The following PCP4L1 variants were observed in gnomAD, a reference collection of about 807,000 sequenced individuals.
PCP4L1 encodes Purkinje cell protein 4 like 1, also known as Purkinje cell protein 4-like protein 1.
A neutral mutation model predicts 9.6 loss-of-function variants in PCP4L1; 9 were observed. That is an observed-to-expected ratio of 0.94 (90% confidence interval 0.57 to 1.64). PCP4L1 has a LOEUF of 1.64. PCP4L1 is among the 40% of genes most tolerant of loss of function. The probability of loss-of-function intolerance (pLI) is 0.00; values close to 1 mark genes in which losing one functional copy is unlikely to be tolerated. For missense variants in PCP4L1, 81 were observed against 80.8 expected, an observed-to-expected ratio of 1.00 and a Z score of -0.01; for synonymous variants, 31 against 28.2, an observed-to-expected ratio of 1.10 and a Z score of -0.31.
intron 1 of PCP4L1, among the ~76,000 whole-genome samples, chr1:161,277,363 C>T (rs1388917258): frequency 1.3e-5 from 2 of 152,102 alleles, no homozygotes; most frequent in African/African-American, 4.8e-5. Flanking sequence ...AGTATGGAGT[C>T]GGTCTACCTG....
intron 1 of PCP4L1, among the ~76,000 whole-genome samples, chr1:161,281,359 C>T (rs899648630): frequency 2.0e-5 from 3 of 152,214 alleles, no homozygotes; most frequent in African/African-American, 7.2e-5. Flanking sequence ...CTGTTGGGTA[C>T]ACCTCCCAGA....
At chr1:161,282,402 G>A (rs1669838049) in intron 1 of PCP4L1, among the ~76,000 whole-genome samples, 2 of 148,262 alleles carry the variant, frequency 1.3e-5, no homozygotes, top group South Asian at 4.3e-4. Context: ...GGAGACCGTG[G>A]GGAGAGGGAG....
intron 1 of PCP4L1, among the ~76,000 whole-genome samples, chr1:161,265,843 T>C (rs1571792008): frequency 6.7e-6 from 1 of 148,606 alleles, no homozygotes; most frequent in East Asian, 2.0e-4. Flanking sequence ...GTTCAAGCAA[T>C]TCTCCTGCCT....
intron 1 of PCP4L1, among the ~76,000 whole-genome samples, chr1:161,283,304 A>G (rs1291707755): frequency 6.6e-6 from 1 of 152,184 alleles, no homozygotes; most frequent in Non-Finnish European, 1.5e-5. Flanking sequence ...GTAAAACTGT[A>G]TTCCTCCATT....
At chr1:161,270,151 G>T (rs1403557032) in intron 1 of PCP4L1, among the ~76,000 whole-genome samples, 1 of 151,942 alleles carries the variant, frequency 6.6e-6, no homozygotes, top group African/African-American at 2.4e-5. Flanking sequence ...ACAAAAATTA[G>T]CTGGGCATGG....
At chr1:161,265,693 G>A (rs886787376) in intron 1 of PCP4L1, among the ~76,000 whole-genome samples, 2 of 144,592 alleles carry the variant, frequency 1.4e-5, no homozygotes, top group African/African-American at 5.1e-5. Flanking sequence ...AATTATTTTA[G>A]TTACAAAAGT....
intron 1 of PCP4L1, among the ~76,000 whole-genome samples, chr1:161,279,321 A>C (rs1350341097): frequency 1.3e-5 from 2 of 152,218 alleles, no homozygotes. Flanking sequence ...GAATAAGTGC[A>C]GGGACTTTCT....
At position 161,280,848 on chromosome 1, in the gene PCP4L1, T is replaced by G. The variant is rs139328102; in HGVS notation, c.10-2820T>G. Among the ~76,000 whole-genome samples, 430 of 152,276 alleles carry G rather than the reference T, an allele frequency of 2.8e-3. 3 individuals carry two copies. Among genetic ancestry groups the G allele is most frequent in the African/African-American group, 0.01 (420 of 41,552 alleles). On this transcript the variant is annotated intron_variant, in intron 1 of 2. Transcript: ENST00000504449. ...TACAATTCTTTTTTTTTAATGTTATTTATTTTATTTTTATTGATCATTCTT... is the reference window on the plus strand; with the variant it reads ...TACAATTCTTTTTTTTTAATGTTATGTATTTTATTTTTATTGATCATTCTT...
At chr1:161,278,140 C>T (rs1433804916) in intron 1 of PCP4L1, among the ~76,000 whole-genome samples, 4 of 152,130 alleles carry the variant, frequency 2.6e-5, no homozygotes, top group Non-Finnish European at 4.4e-5. Flanking sequence ...TTACCAAGCC[C>T]TCCCATAACC....
intron 1 of PCP4L1, among the ~76,000 whole-genome samples, chr1:161,275,737 C>G (rs996567982): frequency 6.6e-5 from 10 of 151,842 alleles, no homozygotes; most frequent in Non-Finnish European, 1.3e-4. Context: ...AACCTATGAT[C>G]CTCTTGTCTG....
At position 161,283,701 on chromosome 1, in the gene PCP4L1, G is replaced by C. The variant is rs765798750; in HGVS notation, c.43G>C (p.Ala15Pro). 3.7e-6 allele frequency: 6 copies of C among 1,606,164 alleles called. No individual in the cohort carries two copies. The highest frequency in any genetic ancestry group is 5.1e-6 in the Non-Finnish European group (6 of 1,176,058). Residue 15 changes from alanine to proline, a missense_variant, in exon 2 of 3, where the codon GCA (alanine) becomes CCA (proline). Transcript: ENST00000504449. ...NTKTSPATNQAAGQEEKGKAG... is the reference protein window; with the variant it reads ...NTKTSPATNQPAGQEEKGKAG... ...CAAAACATCCCCAGCAACCAACCAG[G>C]CAGCTGGCCAAGAGGAAAAAGGTGA...
At chr1:161,259,055 G>A in intron 1 of PCP4L1, 72 bp downstream of exon 1, 1 of 1,511,724 alleles carries the variant, frequency 6.6e-7, no homozygotes, top group South Asian at 1.2e-5. Flanking sequence ...GGATCCCAGG[G>A]AGGCGAGGGA....
chr1:161,264,562 T>C (rs1196653354), intron 1 of PCP4L1, among the ~76,000 whole-genome samples: 1 of 151,684 alleles, frequency 6.6e-6, no homozygotes, highest in Non-Finnish European at 1.5e-5. Context: ...AGTGTGGTGG[T>C]TCACGCCTGT....
chr1:161,264,072 G>A (rs1022501258), intron 1 of PCP4L1, among the ~76,000 whole-genome samples: 3 of 151,416 alleles, frequency 2.0e-5, no homozygotes, highest in Admixed American at 6.6e-5. Context: ...ACCAGGCCCG[G>A]GTAATTTTTG....
chr1:161,266,821 G>A (rs187400933), intron 1 of PCP4L1, among the ~76,000 whole-genome samples: 25 of 152,314 alleles, frequency 1.6e-4, no homozygotes, highest in African/African-American at 4.8e-4. Flanking sequence ...GACTGCAGCT[G>A]GTTGCTGCAC....
intron 1 of PCP4L1, among the ~76,000 whole-genome samples, chr1:161,283,367 T>G (rs953776981): frequency 6.6e-6 from 1 of 152,220 alleles, no homozygotes; most frequent in African/African-American, 2.4e-5. Context: ...ATAGCACTTA[T>G]CATCATAGTA....
chr1:161,280,127 A>G (rs922722544), intron 1 of PCP4L1, among the ~76,000 whole-genome samples: 8 of 152,138 alleles, frequency 5.3e-5, no homozygotes, highest in African/African-American at 1.9e-4. Flanking sequence ...TGCCTAGGTG[A>G]GTATTTCTCC....
rs1308161663 is a variant in PCP4L1 at position 161,283,707 on chromosome 1, G to A, written c.49G>A (p.Gly17Ser). Residue 17 changes from glycine (G) to serine (S), a missense_variant, in exon 2 of 3, where the codon GGC (glycine) becomes AGC (serine). Coordinates refer to ENST00000504449, the MANE Select transcript of PCP4L1 (RefSeq NM_001102566.2). Reference sequence around the variant, plus strand: ...ATCCCCAGCAACCAACCAGGCAGCTGGCCAAGAGGAAAAAGGTGAGTGGGG... The same window carrying A: ...ATCCCCAGCAACCAACCAGGCAGCTAGCCAAGAGGAAAAAGGTGAGTGGGG... ...KTSPATNQAAGQEEKGKAGNV... is the reference protein window; with the variant it reads ...KTSPATNQAASQEEKGKAGNV... 1 of 1,606,392 alleles carries A rather than the reference G, an allele frequency of 6.2e-7. No homozygotes were observed. The highest frequency in any genetic ancestry group is 1.3e-5 in the African/African-American group (1 of 74,872).
Position 161,280,909 on chromosome 1 carries a change from T to G in PCP4L1, c.10-2759T>G, listed in dbSNP as rs1263998319. ...CGCAGAGGGGGATTTGGCAGGGTCATAGGACAATAGTGGAGGGAAGGTCAG... is the reference window on the plus strand; with the variant it reads ...CGCAGAGGGGGATTTGGCAGGGTCAGAGGACAATAGTGGAGGGAAGGTCAG... On this transcript the variant is annotated intron_variant, in intron 1 of 2. Coordinates refer to ENST00000504449, the MANE Select transcript of PCP4L1 (RefSeq NM_001102566.2). 5.9e-5 allele frequency among the ~76,000 whole-genome samples: 9 copies of G among 152,186 alleles called. No homozygotes were observed. The East Asian group carries it at 1.2e-3, about 20-fold the overall frequency.
Sources: allele counts gnomAD v4.1 joint callset (sites outside exome capture counted in the v4.1 genomes callset), GRCh38; gene constraint gnomAD v4.1.1; transcripts MANE v1.5; gene names NCBI Gene and HGNC (gene_info 2026-07-23, HGNC 2026-07-21).